Variants in DOCK1 observed in about 807,000 individuals in gnomAD.
DOCK1 encodes dedicator of cytokinesis 1, also known as dedicator of cytokinesis protein 1.
A neutral mutation model predicts 262.7 loss-of-function variants in DOCK1; 138 were observed. That is an observed-to-expected ratio of 0.53 (90% CI 0.46 to 0.61). The LOEUF (loss-of-function observed/expected upper bound fraction) is 0.61, where lower values mean the gene tolerates loss of function less well. Among genes scored for constraint, DOCK1 ranks in the 20% least tolerant of loss-of-function variants. The pLI is 0.00. For synonymous variants in DOCK1, 866 were observed against 867.4 expected, an observed-to-expected ratio of 1.00 and a Z score of 0.03; for missense variants, 1,908 against 2,370.7, an observed-to-expected ratio of 0.80 and a Z score of 4.05.
intron 27 of DOCK1, among the ~76,000 whole-genome samples, chr10:127,153,025 T>G (rs896999786): frequency 1.3e-5 from 2 of 152,244 alleles, no homozygotes; most frequent in Non-Finnish European, 2.9e-5. Flanking sequence ...CAGAGGACAG[T>G]AACTTTGAAT....
intron 27 of DOCK1, among the ~76,000 whole-genome samples, chr10:127,184,436 T>C (rs2056035025): frequency 6.6e-6 from 1 of 151,650 alleles, no homozygotes. Context: ...ACCCTGATCT[T>C]GGCCTTCATA....
At chr10:127,279,838 G>T (rs11814243) in intron 29 of DOCK1, among the ~76,000 whole-genome samples, 3,403 of 151,156 alleles carry the variant, frequency 0.023, 106 homozygotes, top group African/African-American at 0.08. Flanking sequence ...ACATGCAAAG[G>T]CAATGTTTGT....
chr10:127,091,759 C>T (rs546269255), intron 23 of DOCK1, among the ~76,000 whole-genome samples: 4 of 152,280 alleles, frequency 2.6e-5, no homozygotes, highest in South Asian at 2.1e-4. Flanking sequence ...CTGACTAAGT[C>T]GTAAGACCTA....
chr10:127,008,941 A>G (rs2135270107), intron 11 of DOCK1, 137 bp downstream of exon 11: 1 of 867,526 alleles, frequency 1.2e-6, no homozygotes, highest in East Asian at 2.7e-5. Context: ...CTCTTTAGTC[A>G]CTGCTGTAGT....
chr10:126,931,305 T>C (rs1227933847), intron 1 of DOCK1, among the ~76,000 whole-genome samples: 1 of 152,010 alleles, frequency 6.6e-6, no homozygotes, highest in Non-Finnish European at 1.5e-5. Flanking sequence ...TGAATACCAT[T>C]CCAGGCTGTC....
chr10:126,991,910 A>G (rs2039818303), intron 6 of DOCK1, among the ~76,000 whole-genome samples: 1 of 152,200 alleles, frequency 6.6e-6, no homozygotes, highest in African/African-American at 2.4e-5. Context: ...CAACCCCCTC[A>G]TTTTACACAT....
chr10:127,018,884 G>A lies in DOCK1; in HGVS notation c.1327+49G>A, dbSNP rs149279216. 7,643 of 1,604,054 alleles carry A rather than the reference G, an allele frequency of 4.8e-3. 29 individuals are homozygous for A. Among genetic ancestry groups the A allele is most frequent in the Non-Finnish European group, 5.6e-3 (6,595 of 1,173,576 alleles). On this transcript the variant is annotated intron_variant, in intron 13 of 51. Coordinates refer to ENST00000623213, the MANE Select transcript of DOCK1 (RefSeq NM_001290223.2). The stretch of plus-strand genomic sequence containing the variant: ...TTCTCAGCATGGCATGGGGGTAGCC[G>A]GCCACGGAGGATGACGTGTGGGCAG...
At chr10:127,000,118 G>T in intron 9 of DOCK1, 54 bp from the exon 10 acceptor site, 1 of 1,597,216 alleles carries the variant, frequency 6.3e-7, no homozygotes, top group Non-Finnish European at 8.6e-7. Flanking sequence ...TTTCATTGGA[G>T]CTTGCATTGA....
At chr10:127,171,871 T>A (rs2054604979) in intron 27 of DOCK1, among the ~76,000 whole-genome samples, 1 of 152,010 alleles carries the variant, frequency 6.6e-6, no homozygotes, top group Non-Finnish European at 1.5e-5. Context: ...GCCCGACTAA[T>A]GTTTGTATTT....
intron 27 of DOCK1, chr10:127,137,736 T>C: frequency 9.1e-7 from 1 of 1,103,176 alleles, no homozygotes; most frequent in Non-Finnish European, 1.3e-6. Flanking sequence ...GGTGCCTGAA[T>C]GGGCACCACA....
chr10:127,262,463 G>A lies in DOCK1; in HGVS notation c.3044+5034G>A, dbSNP rs73382416. On this transcript the variant is annotated intron_variant, in intron 29 of 51. Coordinates refer to ENST00000623213, the MANE Select transcript of DOCK1 (RefSeq NM_001290223.2). ...CGAGGAGGCATTTTAGGTCCTGATTGGAGTTGGTCACTGATAACTGTAACT... is the reference window on the plus strand; with the variant it reads ...CGAGGAGGCATTTTAGGTCCTGATTAGAGTTGGTCACTGATAACTGTAACT... 4.5e-3 allele frequency among the ~76,000 whole-genome samples: 689 copies of A among 152,232 alleles called. 6 individuals are homozygous for A. Among genetic ancestry groups the A allele is most frequent in the African/African-American group, 0.016 (653 of 41,542 alleles).
At chr10:126,913,338 C>T (rs1178352166) in intron 1 of DOCK1, among the ~76,000 whole-genome samples, 13 of 151,672 alleles carry the variant, frequency 8.6e-5, no homozygotes, top group Admixed American at 8.5e-4. Context: ...CTCATATTGG[C>T]TCTGGAATCC....
chr10:127,395,224 C>G (rs2134236676), intron 38 of DOCK1, among the ~76,000 whole-genome samples: 1 of 152,252 alleles, frequency 6.6e-6, no homozygotes, highest in Middle Eastern at 3.4e-3. Context: ...AGATTCATTT[C>G]TCACCATTCT....
At chr10:126,982,854 T>C (rs1413898156) in intron 4 of DOCK1, among the ~76,000 whole-genome samples, 2 of 152,240 alleles carry the variant, frequency 1.3e-5, no homozygotes, top group Admixed American at 1.3e-4. Context: ...GTTGAGACTT[T>C]TACTCTGTGG....
At chr10:127,430,793 A>G (rs1478052860) in intron 47 of DOCK1, among the ~76,000 whole-genome samples, 1 of 152,102 alleles carries the variant, frequency 6.6e-6, no homozygotes, top group East Asian at 1.9e-4. Context: ...CAACCCCTTC[A>G]ACCCAGCCCA....
chr10:127,419,383 T>G (rs966065833), intron 45 of DOCK1, among the ~76,000 whole-genome samples: 6 of 152,150 alleles, frequency 3.9e-5, no homozygotes, highest in African/African-American at 1.4e-4. Flanking sequence ...CTGTATTCAC[T>G]GCCACCCAGC....
At chr10:127,263,685 T>A (rs1342039794) in intron 29 of DOCK1, among the ~76,000 whole-genome samples, 2 of 151,922 alleles carry the variant, frequency 1.3e-5, no homozygotes, top group Admixed American at 1.3e-4. Flanking sequence ...GGCACCTACA[T>A]GCTGGTATCC....
chr10:127,290,249 A>G (rs1312338307), intron 29 of DOCK1, among the ~76,000 whole-genome samples: 2 of 151,894 alleles, frequency 1.3e-5, no homozygotes, highest in African/African-American at 4.8e-5. Flanking sequence ...ACTTAATTGA[A>G]GGTACGATGA....
intron 8 of DOCK1, 191 bp downstream of exon 8, chr10:126,998,440 A>T: frequency 1.6e-6 from 1 of 630,468 alleles, no homozygotes; most frequent in Non-Finnish European, 2.7e-6. Flanking sequence ...GGTCAGGGTG[A>T]ACCTTCTTGC....
Sources: gnomAD v4.1 joint callset for allele counts (sites outside exome capture counted in the v4.1 genomes callset) on GRCh38, gnomAD v4.1.1 for gene constraint, MANE v1.5 for transcripts, NCBI Gene and HGNC (gene_info 2026-07-23, HGNC 2026-07-21) for gene names.